Variants in CDH20 observed in about 807,000 individuals in gnomAD.
CDH20 encodes cadherin 20.
CDH20 carries 29 observed loss-of-function variants against 74.2 expected under a neutral mutation model. That is an observed-to-expected ratio of 0.39 (90% CI 0.29 to 0.53). CDH20 has a LOEUF of 0.53. Ranked by LOEUF, CDH20 falls within the 20% of genes least tolerant of loss-of-function variation. The pLI is 0.69. For synonymous variants in CDH20, 469 were observed against 405.4 expected, an observed-to-expected ratio of 1.16 and a Z score of -1.88; for missense variants, 988 against 1,048.3, an observed-to-expected ratio of 0.94 and a Z score of 0.79.
In CDH20 at chr18:61,464,357, T is replaced by G. The variant is rs139999181; in HGVS notation, c.-152-26045T>G. Among the ~76,000 whole-genome samples, 855 of 152,248 alleles carry G rather than the reference T, an allele frequency of 5.6e-3. 6 individuals carry two copies. The highest frequency in any genetic ancestry group is 7.5e-3 in the Non-Finnish European group (512 of 68,020). On this transcript the variant is annotated intron_variant, in intron 1 of 11. Transcript: ENST00000262717. ...ACATATTGCACAATTCTTATTATTT[T>G]TCCTGTCCAAACCTAGTCTCACCCC...
chr18:61,497,492 A>T (rs892964722), intron 2 of CDH20, among the ~76,000 whole-genome samples: 2 of 152,232 alleles, frequency 1.3e-5, no homozygotes, highest in African/African-American at 2.4e-5. Context: ...ATAACAAAAA[A>T]GCCAACAGGT....
At chr18:61,339,598 C>T (rs555934275) in intron 1 of CDH20, among the ~76,000 whole-genome samples, 329 of 151,884 alleles carry the variant, frequency 2.2e-3, no homozygotes, top group Middle Eastern at 3.4e-3. Flanking sequence ...ACTGCATGTC[C>T]TCTGTTATAT....
chr18:61,347,331 C>T lies in CDH20; in HGVS notation c.-153+13504C>T, dbSNP rs867678009. 6.3e-3 allele frequency among the ~76,000 whole-genome samples: 834 copies of T among 133,014 alleles called. 8 individuals carry two copies. The highest frequency in any genetic ancestry group is 0.027 in the African/African-American group (785 of 28,582). 87.3% of individuals were successfully genotyped at this position (133,014 alleles called of 152,430 possible). A position where few individuals can be genotyped will look rare whatever the true frequency, so the allele number is the denominator to read the frequency against. ...ATATATATATATATACACACACACACACACACACACACACACACACATATA... is the reference window on the plus strand; with the variant it reads ...ATATATATATATATACACACACACATACACACACACACACACACACATATA... On this transcript the variant is annotated intron_variant, in intron 1 of 11. Coordinates refer to ENST00000262717, the MANE Select transcript of CDH20 (RefSeq NM_031891.4).
At chr18:61,346,982 G>A (rs1326031487) in intron 1 of CDH20, among the ~76,000 whole-genome samples, 1 of 151,964 alleles carries the variant, frequency 6.6e-6, no homozygotes, top group Non-Finnish European at 1.5e-5. Context: ...CTTATCTTCT[G>A]CTGGGTGTAC....
intron 1 of CDH20, among the ~76,000 whole-genome samples, chr18:61,439,385 C>A (rs967596502): frequency 1.2e-4 from 18 of 151,878 alleles, no homozygotes; most frequent in Non-Finnish European, 2.5e-4. Flanking sequence ...AATAAATGGA[C>A]ACTGTTCAAG....
At chr18:61,441,490 C>A (rs938835427) in intron 1 of CDH20, among the ~76,000 whole-genome samples, 10 of 152,072 alleles carry the variant, frequency 6.6e-5, no homozygotes, top group African/African-American at 2.2e-4. Flanking sequence ...CAGATACTGT[C>A]CTTTTTATTA....
chr18:61,493,057 A>C (rs1389274959), intron 2 of CDH20, among the ~76,000 whole-genome samples: 1 of 152,246 alleles, frequency 6.6e-6, no homozygotes, highest in African/African-American at 2.4e-5. Context: ...TAATAGTGGT[A>C]ATAGTAACAG....
At chr18:61,530,063 T>C (rs529740607) in intron 7 of CDH20, among the ~76,000 whole-genome samples, 4 of 152,188 alleles carry the variant, frequency 2.6e-5, no homozygotes, top group Non-Finnish European at 5.9e-5. Context: ...AGGCCAGAGG[T>C]AATAAGACAC....
intron 1 of CDH20, among the ~76,000 whole-genome samples, chr18:61,446,691 T>G (rs1256334959): frequency 6.6e-6 from 1 of 152,206 alleles, no homozygotes; most frequent in African/African-American, 2.4e-5. Flanking sequence ...TTTTCTCATT[T>G]CTCATTCTTT....
At chr18:61,534,074 A>G (rs1307560979) in intron 7 of CDH20, among the ~76,000 whole-genome samples, 1 of 152,246 alleles carries the variant, frequency 6.6e-6, no homozygotes, top group Non-Finnish European at 1.5e-5. Context: ...AAAAATGTGC[A>G]AAATGCCTAA....
rs1341638232 is a variant in CDH20 at position 61,554,470 on chromosome 18, G to A, written c.2181G>A (p.Leu727=). 4.3e-6 allele frequency: 7 copies of A among 1,613,072 alleles called. No homozygotes were observed. The highest frequency in any genetic ancestry group is 5.1e-6 in the Non-Finnish European group (6 of 1,179,870). ...ACAGCACTGTCCACAGCTACGTGCT[G>A]GCCAAGCTCTACGAGGCCGACATGG... is the stretch of plus-strand genomic sequence containing the variant. ...AVNSTVHSYV[L]AKLYEADMDL... The change falls in exon 12 of 12, where the codon CTG becomes CTA. Residue 727 remains leucine (L), a synonymous_variant. Transcript: ENST00000262717.
chr18:61,422,109 G>A (rs1388311512), intron 1 of CDH20, among the ~76,000 whole-genome samples: 1 of 151,968 alleles, frequency 6.6e-6, no homozygotes, highest in African/African-American at 2.4e-5. Flanking sequence ...TAATGAGGAT[G>A]GTAATATTTT....
At chr18:61,475,970 T>C (rs1384121664) in intron 1 of CDH20, among the ~76,000 whole-genome samples, 1 of 152,184 alleles carries the variant, frequency 6.6e-6, no homozygotes, top group African/African-American at 2.4e-5. Flanking sequence ...GGGGATTGGC[T>C]CCTTGTATTC....
chr18:61,538,614 GTT>G (rs541920246), intron 8 of CDH20, among the ~76,000 whole-genome samples: 2 of 57,550 alleles, frequency 3.5e-5, no homozygotes, highest in African/African-American at 1.1e-4. Flanking sequence ...TTTTGTTTTT[GTT>G]TTTGTTTTGT....
chr18:61,421,772 A>G (rs539619511), intron 1 of CDH20, among the ~76,000 whole-genome samples: 33 of 152,202 alleles, frequency 2.2e-4, no homozygotes, highest in Non-Finnish European at 1.2e-4. Flanking sequence ...ATATGTATCA[A>G]TAATAAACCA....
chr18:61,514,003 TC>T (rs1476219744), intron 6 of CDH20, among the ~76,000 whole-genome samples: 1 of 152,054 alleles, frequency 6.6e-6, no homozygotes, highest in Non-Finnish European at 1.5e-5. Context: ...TCAAGGAGTA[TC>T]TTTGTGGCGT....
chr18:61,481,588 T>C (rs28710874), intron 1 of CDH20, among the ~76,000 whole-genome samples: 100 of 152,340 alleles, frequency 6.6e-4, no homozygotes, highest in African/African-American at 2.2e-3. Flanking sequence ...GTTTGTTTTG[T>C]TAGGGCATTA....
chr18:61,554,485 G>A lies in CDH20; in HGVS notation c.2196G>A (p.Glu732=). Residue 732 remains glutamate (E), a synonymous_variant, in exon 12 of 12, where the codon GAG becomes GAA. Transcript: ENST00000262717. ...VHSYVLAKLY[E]ADMDLWAPPF... is the part of the protein sequence containing the mutation. The stretch of plus-strand genomic sequence containing the variant: ...GCTACGTGCTGGCCAAGCTCTACGA[G>A]GCCGACATGGACCTGTGGGCACCGC... 2 of 1,612,910 alleles carry A rather than the reference G, an allele frequency of 1.2e-6. No homozygotes were observed. The highest frequency in any genetic ancestry group is 1.7e-6 in the Non-Finnish European group (2 of 1,179,746).
intron 6 of CDH20, among the ~76,000 whole-genome samples, chr18:61,510,978 T>TTA (rs1303936282): frequency 9.4e-5 from 1 of 10,684 alleles, no homozygotes; most frequent in Non-Finnish European, 2.0e-4. Flanking sequence ...CTTTCTTTCT[T>TTA]TCTTTTTTTT....
Sources: allele counts gnomAD v4.1 joint callset (sites outside exome capture counted in the v4.1 genomes callset), GRCh38; gene constraint gnomAD v4.1.1; transcripts MANE v1.5; gene names NCBI Gene and HGNC (gene_info 2026-07-23, HGNC 2026-07-21).